SPRY3: variants seen among roughly 807,000 people sequenced by gnomAD.
SPRY3 encodes sprouty RTK signaling antagonist 3, also known as protein sprouty homolog 3.
A neutral mutation model predicts 20.2 loss-of-function variants in SPRY3; 15 were observed. The ratio of observed to expected loss-of-function variants is 0.74; its 90% CI spans 0.50 to 1.14. The LOEUF (loss-of-function observed/expected upper bound fraction) is 1.14, where lower values mean the gene tolerates loss of function less well. Among genes scored for constraint, SPRY3 ranks in the 50% most tolerant of loss-of-function variants. The probability of loss-of-function intolerance (pLI) is 0.00; values close to 1 mark genes in which losing one functional copy is unlikely to be tolerated. For missense variants in SPRY3, 364 were observed against 363.9 expected (o/e 1.00, Z 0.00); for synonymous variants, 143 against 136.5 (o/e 1.05, Z -0.33).
intron 2 of SPRY3, among the ~76,000 whole-genome samples, chrX:155,680,511 G>A (rs1569562595): frequency 9.0e-6 from 1 of 110,761 alleles, no homozygotes; most frequent in Non-Finnish European, 1.9e-5. Context: ...CTGATGGGAT[G>A]GATGGCAGGA....
At chrX:155,723,232 G>A (rs1294596932) in intron 2 of SPRY3, among the ~76,000 whole-genome samples, 10 of 152,058 alleles carry the variant, frequency 6.6e-5, no homozygotes, top group East Asian at 3.9e-4. Flanking sequence ...GAATAGTTCC[G>A]CAATAAACAT....
intron 2 of SPRY3, among the ~76,000 whole-genome samples, chrX:155,661,136 A>G (rs2068008557): frequency 8.9e-6 from 1 of 111,781 alleles, no homozygotes; most frequent in African/African-American, 3.2e-5. Flanking sequence ...TGTGTTTTAT[A>G]CTTTTTGTGT....
chrX:155,636,434 A>G (rs1347437562), intron 1 of SPRY3, among the ~76,000 whole-genome samples: 1 of 111,976 alleles, frequency 8.9e-6, no homozygotes, highest in Non-Finnish European at 1.9e-5. Flanking sequence ...TCTCCCTACC[A>G]GGTAACACAA....
chrX:155,672,638 A>G (rs1163254646), intron 2 of SPRY3, among the ~76,000 whole-genome samples: 2 of 108,898 alleles, frequency 1.8e-5, no homozygotes, highest in African/African-American at 6.8e-5. Context: ...TAGTTCAACC[A>G]TTGTGGAAGT....
At chrX:155,708,705 G>A (rs192333857) in intron 2 of SPRY3, among the ~76,000 whole-genome samples, 14 of 151,458 alleles carry the variant, frequency 9.2e-5, no homozygotes, top group Middle Eastern at 3.4e-3. Context: ...TGGAAAATCA[G>A]TATTCACCCC....
exon 4 of SPRY3, chrX:155,776,380 C>T (rs1603012918): frequency 1.2e-5 from 2 of 167,188 alleles, no homozygotes; most frequent in East Asian, 3.9e-4. Context: ...TGGCAGCTGC[C>T]TGAGAACTTA....
intron 1 of SPRY3, among the ~76,000 whole-genome samples, chrX:155,623,255 A>G (rs1021351703): frequency 4.5e-5 from 5 of 111,826 alleles, no homozygotes; most frequent in African/African-American, 1.6e-4. Context: ...CTTTATGGCT[A>G]TTGTCCTCTA....
At chrX:155,714,113 T>A (rs1013747716) in intron 2 of SPRY3, among the ~76,000 whole-genome samples, 1 of 152,172 alleles carries the variant, frequency 6.6e-6, no homozygotes, top group Non-Finnish European at 1.5e-5. Context: ...TATGTTTTTT[T>A]GAATTTCTTT....
At chrX:155,706,937 A>G (rs1202852689) in intron 2 of SPRY3, among the ~76,000 whole-genome samples, 1 of 151,074 alleles carries the variant, frequency 6.6e-6, no homozygotes, top group Non-Finnish European at 1.5e-5. Context: ...GAAACAATTT[A>G]TGGTTTAAAT....
intron 3 of SPRY3, among the ~76,000 whole-genome samples, chrX:155,770,644 CTCTCT>C (rs1366769153): frequency 6.6e-6 from 1 of 151,584 alleles, no homozygotes; most frequent in Non-Finnish European, 1.5e-5. Flanking sequence ...CTCTCTCTCT[CTCTCT>C]CTCTCTCATT....
chrX:155,668,032 TAA>T (rs34440537), intron 2 of SPRY3, among the ~76,000 whole-genome samples: 1 of 108,408 alleles, frequency 9.2e-6, no homozygotes, highest in South Asian at 4.0e-4. Flanking sequence ...AACAACTTTT[TAA>T]AAAAAATTGA....
intron 2 of SPRY3, among the ~76,000 whole-genome samples, chrX:155,719,010 G>C (rs1476227264): frequency 6.6e-6 from 1 of 152,118 alleles, no homozygotes; most frequent in African/African-American, 2.4e-5. Context: ...CAAAAATCAA[G>C]TGAGTACTCA....
At chrX:155,626,324 G>T (rs1440808697) in intron 1 of SPRY3, among the ~76,000 whole-genome samples, 1 of 111,048 alleles carries the variant, frequency 9.0e-6, no homozygotes, top group African/African-American at 3.3e-5. Flanking sequence ...CTTTTTATTT[G>T]CTTATTGTTC....
At chrX:155,762,395 A>G (rs1014770189) in intron 2 of SPRY3, among the ~76,000 whole-genome samples, 8 of 152,178 alleles carry the variant, frequency 5.3e-5, no homozygotes, top group Admixed American at 3.9e-4. Flanking sequence ...CATTGTCATG[A>G]GAGTTCAGAG....
exon 4 of SPRY3, chrX:155,774,638 G>A (rs771224871): frequency 1.2e-5 from 19 of 1,613,850 alleles, no homozygotes; most frequent in East Asian, 8.9e-5. Context: ...GATAGCCTCC[G>A]GCGACCAGGC....
intron 2 of SPRY3, among the ~76,000 whole-genome samples, chrX:155,720,499 C>T (rs1026856538): frequency 1.3e-4 from 19 of 151,940 alleles, no homozygotes; most frequent in Middle Eastern, 3.4e-3. Context: ...GTCAAGACCC[C>T]GTGCTGTACT....
chrX:155,758,873 A>G (rs1350335015), intron 2 of SPRY3, among the ~76,000 whole-genome samples: 1 of 152,160 alleles, frequency 6.6e-6, no homozygotes, highest in Non-Finnish European at 1.5e-5. Flanking sequence ...AATTTAGTAA[A>G]AACCTAAATA....
intron 2 of SPRY3, among the ~76,000 whole-genome samples, chrX:155,673,041 A>T (rs1557354947): frequency 1.7e-5 from 1 of 59,914 alleles, no homozygotes; most frequent in Non-Finnish European, 3.3e-5. Flanking sequence ...CAGGAAGGGG[A>T]ACATCACACT....
At chrX:155,762,415 G>A (rs2091307906) in intron 2 of SPRY3, among the ~76,000 whole-genome samples, 1 of 151,884 alleles carries the variant, frequency 6.6e-6, no homozygotes, top group Non-Finnish European at 1.5e-5. Flanking sequence ...GGTATTTCTG[G>A]ATGATGAGAC....
Sources: allele counts gnomAD v4.1 joint callset (sites outside exome capture counted in the v4.1 genomes callset), GRCh38; gene constraint gnomAD v4.1.1; transcripts MANE v1.5; gene names NCBI Gene and HGNC (gene_info 2026-07-23, HGNC 2026-07-21).